RERE: variants seen among roughly 807,000 people sequenced by gnomAD.
The protein encoded by RERE is arginine-glutamic acid dipeptide repeats protein.
In RERE, 40 loss-of-function variants were observed where a neutral mutation model predicts 146.1. That is an observed-to-expected ratio of 0.27 (90% CI 0.21 to 0.36). RERE has a LOEUF of 0.36. Among genes scored for constraint, RERE ranks in the 10% least tolerant of loss-of-function variants. The pLI, the probability that RERE is intolerant of heterozygous loss-of-function variation, is 1.00. For synonymous variants in RERE, 1,003 were observed against 866.0 expected, an observed-to-expected ratio of 1.16 and a Z score of -2.78; for missense variants, 1,933 against 2,138.7, an observed-to-expected ratio of 0.90 and a Z score of 1.90.
rs1491477360 is a variant in RERE at position 8,605,770 on chromosome 1, AAC to A, written c.522+8789_522+8790del. Among the ~76,000 whole-genome samples, 18 of 145,268 alleles carry A rather than the reference AAC, an allele frequency of 1.2e-4. 2 individuals are homozygous for A. The highest frequency in any genetic ancestry group is 4.0e-4 in the African/African-American group (15 of 37,940). On this transcript the variant is annotated intron_variant, in intron 4 of 22. Transcript: ENST00000400908. ...CAAAAAAAAAAAAAAAAAAAAAAAA[AAC>A]CCCTAAAAAAAGTGATAATAGATTA...
intron 12 of RERE, among the ~76,000 whole-genome samples, chr1:8,409,048 C>T (rs1467925081): frequency 6.6e-6 from 1 of 152,230 alleles, no homozygotes; most frequent in East Asian, 1.9e-4. Context: ...ATCATTTCCC[C>T]ACAGCCAGAA....
chr1:8,547,288 A>C (rs1037994541), intron 6 of RERE, among the ~76,000 whole-genome samples: 26 of 152,164 alleles, frequency 1.7e-4, no homozygotes, highest in Admixed American at 5.2e-4. Context: ...AAACCACTAC[A>C]ATCAACATAG....
chr1:8,761,746 C>T (rs1306690727), intron 1 of RERE, among the ~76,000 whole-genome samples: 1 of 151,858 alleles, frequency 6.6e-6, no homozygotes, highest in African/African-American at 2.4e-5. Flanking sequence ...GGAGAAACTC[C>T]CCCGTCTCTA....
At chr1:8,564,794 A>T (rs1355838431) in intron 4 of RERE, among the ~76,000 whole-genome samples, 2 of 140,916 alleles carry the variant, frequency 1.4e-5, no homozygotes, top group Non-Finnish European at 3.1e-5. Context: ...GGAGACAGAA[A>T]ATGTGGTGTG....
chr1:8,416,302 A>C (rs183269449), intron 12 of RERE, among the ~76,000 whole-genome samples: 33 of 152,296 alleles, frequency 2.2e-4, no homozygotes, highest in African/African-American at 7.2e-4. Context: ...GTCCTGGCTC[A>C]CGGTCAGGCG....
intron 4 of RERE, among the ~76,000 whole-genome samples, chr1:8,590,584 T>C (rs78804858): frequency 0.021 from 3,157 of 152,268 alleles, 105 homozygotes; most frequent in African/African-American, 0.073. Context: ...AAAGGCCAAG[T>C]TAGTGCCTCT....
rs1391145663 is a variant in RERE at position 8,805,892 on chromosome 1, TC to T, written c.-145+11267del. 7.1e-5 allele frequency: 10 copies of T among 140,158 alleles called. No individual in the cohort carries two copies. The Admixed American group carries it at 7.4e-4, about 10-fold the overall frequency. 8.7% of individuals were successfully genotyped at this position (140,158 alleles called of 1,614,324 possible). ...TTGAGACGGAATTTCACACTTGTTTTCCAGGCTGGAGTGCAATGGCGCGATT... is the reference window on the plus strand; with the variant it reads ...TTGAGACGGAATTTCACACTTGTTTTCAGGCTGGAGTGCAATGGCGCGATT... On this transcript the variant is annotated intron_variant, in intron 1 of 22. Transcript: ENST00000400908.
At chr1:8,395,635 C>T (rs564516111) in intron 12 of RERE, among the ~76,000 whole-genome samples, 1 of 151,770 alleles carries the variant, frequency 6.6e-6, no homozygotes, top group East Asian at 1.9e-4. Flanking sequence ...CAACTGTGAA[C>T]AAGGTGCTTT....
At chr1:8,647,954 C>T (rs142406073) in intron 2 of RERE, among the ~76,000 whole-genome samples, 21 of 152,196 alleles carry the variant, frequency 1.4e-4, no homozygotes, top group African/African-American at 5.1e-4. Flanking sequence ...TTTACTTTTT[C>T]TTTTAAGGCA....
intron 10 of RERE, among the ~76,000 whole-genome samples, chr1:8,491,090 G>C (rs1644973765): frequency 6.6e-6 from 1 of 150,538 alleles, no homozygotes. Flanking sequence ...CCACATAATT[G>C]TCATAAAGAA....
intron 10 of RERE, among the ~76,000 whole-genome samples, chr1:8,472,984 G>A (rs1035045552): frequency 1.3e-5 from 2 of 151,948 alleles, no homozygotes; most frequent in African/African-American, 4.8e-5. Context: ...CTAAACCACA[G>A]GTTAAGACCT....
chr1:8,606,499 T>G (rs942316606), intron 4 of RERE, among the ~76,000 whole-genome samples: 3 of 152,260 alleles, frequency 2.0e-5, no homozygotes, highest in Middle Eastern at 3.4e-3. Flanking sequence ...CTGTAAGCAG[T>G]TTCAATCTCC....
chr1:8,662,023 A>G (rs541162629), intron 1 of RERE, among the ~76,000 whole-genome samples: 1 of 152,320 alleles, frequency 6.6e-6, no homozygotes, highest in African/African-American at 2.4e-5. Context: ...TATTCCTCTC[A>G]ATCATTTCCT....
At chr1:8,500,673 C>T (rs924073908) in intron 8 of RERE, among the ~76,000 whole-genome samples, 3 of 151,576 alleles carry the variant, frequency 2.0e-5, no homozygotes, top group Non-Finnish European at 2.9e-5. Flanking sequence ...GGCCGCCCAT[C>T]GTCTGGGATA....
At chr1:8,751,049 T>C (rs1484041060) in intron 1 of RERE, 1 of 588,504 alleles carries the variant, frequency 1.7e-6, no homozygotes, top group South Asian at 2.0e-5. Context: ...TAACTTCCTG[T>C]GGCCCTTCAA....
At chr1:8,628,996 C>G (rs1179327694) in intron 2 of RERE, among the ~76,000 whole-genome samples, 1 of 152,106 alleles carries the variant, frequency 6.6e-6, no homozygotes, top group Admixed American at 6.6e-5. Context: ...CTGATGTGAT[C>G]CACCAAATGC....
intron 13 of RERE, 110 bp downstream of exon 13, chr1:8,365,702 A>G: frequency 8.0e-7 from 1 of 1,255,878 alleles, no homozygotes; most frequent in Non-Finnish European, 1.1e-6. Flanking sequence ...GCACGGGTGC[A>G]CACCCCCTCA....
rs138518950 is a variant in RERE, at chr1:8,777,512, C to G, written c.-145+39648G>C. On this transcript the variant is annotated intron_variant, in intron 1 of 22. Transcript: ENST00000400908. ...GAAGACAGTAGTTTGAGACAGGTCA[C>G]TCTGAAAACAAAGTGTCATACTTTT... Among the ~76,000 whole-genome samples the G allele has an allele frequency of 2.5e-3, 384 of 150,778 alleles. 1 individual carries two copies. The highest frequency in any genetic ancestry group is 8.5e-3 in the African/African-American group (348 of 41,164).
intron 8 of RERE, among the ~76,000 whole-genome samples, chr1:8,499,848 G>A (rs1645105118): frequency 6.6e-6 from 1 of 152,236 alleles, no homozygotes; most frequent in Non-Finnish European, 1.5e-5. Context: ...GGCCTGGCGT[G>A]GTGGCTCACG....
Sources: gnomAD v4.1 joint callset for allele counts (sites outside exome capture counted in the v4.1 genomes callset) on GRCh38, gnomAD v4.1.1 for gene constraint, MANE v1.5 for transcripts, NCBI Gene and HGNC (gene_info 2026-07-23, HGNC 2026-07-21) for gene names.